Variants in TEX11 observed in about 807,000 individuals in gnomAD.
TEX11 encodes testis expressed 11.
In TEX11, 7 loss-of-function variants were observed where a neutral mutation model predicts 84.4. The observed-to-expected ratio is 0.08, with a 90% CI of 0.05 to 0.16. TEX11 has a LOEUF of 0.16. TEX11 is among the 10% of genes least tolerant of loss of function. TEX11 has a pLI of 1.00. For synonymous variants in TEX11, 264 were observed against 222.8 expected (o/e 1.18, Z -1.64); for missense variants, 551 against 660.5 (o/e 0.83, Z 1.82).
intron 27 of TEX11, among the ~76,000 whole-genome samples, chrX:70,553,096 T>C (rs759152708): frequency 8.9e-6 from 1 of 112,131 alleles, no homozygotes; most frequent in African/African-American, 3.2e-5. Flanking sequence ...TTCCCCTTTT[T>C]TTTCTCCTTT....
intron 9 of TEX11, among the ~76,000 whole-genome samples, chrX:70,798,900 C>T (rs2091171265): frequency 1.2e-5 from 1 of 81,946 alleles, no homozygotes; most frequent in Non-Finnish European, 2.9e-5. Flanking sequence ...TAGAAGAAAA[C>T]TGGGGGAAAG....
At chrX:70,784,095 C>G (rs1464583724) in intron 9 of TEX11, among the ~76,000 whole-genome samples, 1 of 111,831 alleles carries the variant, frequency 8.9e-6, no homozygotes, top group African/African-American at 3.2e-5. Context: ...TATTGGCAAA[C>G]CGAATCCAGC....
chrX:70,593,682 A>G (rs2088965667), intron 24 of TEX11, among the ~76,000 whole-genome samples: 1 of 112,036 alleles, frequency 8.9e-6, no homozygotes, highest in African/African-American at 3.2e-5. Flanking sequence ...CAATAAAAGG[A>G]TAAAAATTAT....
chrX:70,772,338 G>A, intron 9 of TEX11, among the ~76,000 whole-genome samples: 1 of 111,854 alleles, frequency 8.9e-6, no homozygotes, highest in East Asian at 2.8e-4. Flanking sequence ...ACTTTGGGAG[G>A]CTGTGGTGGG....
intron 9 of TEX11, among the ~76,000 whole-genome samples, chrX:70,752,163 C>T (rs2090831043): frequency 9.0e-6 from 1 of 111,561 alleles, no homozygotes; most frequent in Non-Finnish European, 1.9e-5. Context: ...GTCTCATCTT[C>T]TTTAAAATAC....
At chrX:70,835,874 G>A (rs1388062770) in intron 7 of TEX11, among the ~76,000 whole-genome samples, 1 of 111,165 alleles carries the variant, frequency 9.0e-6, no homozygotes, top group Non-Finnish European at 1.9e-5. Flanking sequence ...CACTTTGGGA[G>A]GCCAAGGTAG....
chrX:70,779,593 A>C (rs1401329093), intron 9 of TEX11, among the ~76,000 whole-genome samples: 1 of 110,805 alleles, frequency 9.0e-6, no homozygotes, highest in African/African-American at 3.3e-5. Context: ...AAAAAAATAC[A>C]ATAGATCAAC....
chrX:70,719,681 C>T (rs1466030215), intron 13 of TEX11, among the ~76,000 whole-genome samples: 2 of 111,736 alleles, frequency 1.8e-5, no homozygotes, highest in African/African-American at 3.2e-5. Flanking sequence ...CAAGAAAAAA[C>T]AAACAACCCC....
chrX:70,597,373 A>G (rs1205230921), intron 24 of TEX11, among the ~76,000 whole-genome samples: 2 of 111,848 alleles, frequency 1.8e-5, no homozygotes, highest in Non-Finnish European at 3.8e-5. Context: ...CCCTATTTCA[A>G]AATGTACTAC....
At chrX:70,767,212 C>G (rs1202641183) in intron 9 of TEX11, among the ~76,000 whole-genome samples, 4 of 111,312 alleles carry the variant, frequency 3.6e-5, no homozygotes, top group African/African-American at 1.3e-4. Flanking sequence ...GTGCAAATTA[C>G]CCATCTAATA....
At chrX:70,517,318 G>A in the TEX11 span, among the ~76,000 whole-genome samples, 6 of 112,028 alleles carry the variant, frequency 5.4e-5, no homozygotes, top group Admixed American at 1.9e-4. Flanking sequence ...TTTATTGAGA[G>A]TTTTTAGCAT....
intron 9 of TEX11, among the ~76,000 whole-genome samples, chrX:70,772,715 T>A (rs1431257360): frequency 1.8e-5 from 2 of 111,369 alleles, no homozygotes; most frequent in African/African-American, 6.5e-5. Flanking sequence ...AGGAGCTCAG[T>A]TAATTACAAG....
At chrX:70,592,806 A>G (rs1288244930) in intron 24 of TEX11, among the ~76,000 whole-genome samples, 1 of 111,372 alleles carries the variant, frequency 9.0e-6, no homozygotes, top group African/African-American at 3.3e-5. Flanking sequence ...CCTAAAGGAA[A>G]TGACTTTAAT....
At chrX:70,847,062 A>AT (rs1397806865) in intron 7 of TEX11, among the ~76,000 whole-genome samples, 1 of 111,678 alleles carries the variant, frequency 9.0e-6, no homozygotes, top group Non-Finnish European at 1.9e-5. Context: ...TTCTTGCTCT[A>AT]GTAGTTCCTC....
At chrX:70,603,842 C>A (rs989147195) in intron 24 of TEX11, among the ~76,000 whole-genome samples, 3 of 106,912 alleles carry the variant, frequency 2.8e-5, no homozygotes, top group Non-Finnish European at 5.8e-5. Context: ...CAAGGAACTC[C>A]AACAAATTTA....
chrX:70,606,641 C>T (rs1239294210), intron 23 of TEX11, among the ~76,000 whole-genome samples: 1 of 111,452 alleles, frequency 9.0e-6, no homozygotes, highest in Non-Finnish European at 1.9e-5. Context: ...GTATTCCCCT[C>T]CTAAAGATAT....
intron 17 of TEX11, among the ~76,000 whole-genome samples, chrX:70,641,772 T>C (rs1358131016): frequency 9.2e-6 from 1 of 108,789 alleles, no homozygotes; most frequent in African/African-American, 3.3e-5. Flanking sequence ...CAAAGCAGTG[T>C]GTAGAGGGAA....
chrX:70,770,907 A>T (rs2090968461), intron 9 of TEX11, among the ~76,000 whole-genome samples: 1 of 111,144 alleles, frequency 9.0e-6, no homozygotes, highest in African/African-American at 3.3e-5. Context: ...CAAGAAAAAA[A>T]ACTATTCCTG....
intron 9 of TEX11, among the ~76,000 whole-genome samples, chrX:70,750,093 C>A (rs1453655868): frequency 8.1e-5 from 9 of 111,081 alleles, no homozygotes; most frequent in African/African-American, 3.0e-4. Flanking sequence ...ACAAACAACC[C>A]CATCAAAAAG....
Sources: gnomAD v4.1 joint callset for allele counts (sites outside exome capture counted in the v4.1 genomes callset) on GRCh38, gnomAD v4.1.1 for gene constraint, MANE v1.5 for transcripts, NCBI Gene and HGNC (gene_info 2026-07-23, HGNC 2026-07-21) for gene names.